Variants in RARB observed in about 807,000 individuals in gnomAD.
RARB encodes retinoic acid receptor beta.
RARB carries 17 observed loss-of-function variants against 51.9 expected under a neutral mutation model. The ratio of observed to expected loss-of-function variants is 0.33; its 90% CI spans 0.22 to 0.49. The LOEUF (loss-of-function observed/expected upper bound fraction) is 0.49. Ranked by LOEUF, RARB falls within the 20% of genes least tolerant of loss-of-function variation. The pLI is 0.99. For missense variants in RARB, 369 were observed against 550.8 expected, an observed-to-expected ratio of 0.67 and a Z score of 3.30; for synonymous variants, 215 against 195.4, an observed-to-expected ratio of 1.10 and a Z score of -0.84.
chr3:24,884,352 T>C (rs1454256333), intron 2 of RARB, among the ~76,000 whole-genome samples: 5 of 152,174 alleles, frequency 3.3e-5, no homozygotes, highest in Non-Finnish European at 7.4e-5. Context: ...AACCTACTTA[T>C]TGTGCATTTT....
intron 5 of RARB, among the ~76,000 whole-genome samples, chr3:25,191,084 C>A (rs1350198259): frequency 6.6e-6 from 1 of 152,036 alleles, no homozygotes; most frequent in African/African-American, 2.4e-5. Context: ...TCAGCATGGG[C>A]ATGTATTACA....
intron 3 of RARB, among the ~76,000 whole-genome samples, chr3:25,122,052 T>G (rs990328279): frequency 6.6e-6 from 1 of 152,186 alleles, no homozygotes; most frequent in African/African-American, 2.4e-5. Context: ...GTTGAGTCAA[T>G]GTATCAGTTA....
chr3:25,173,283 T>C (rs970861366), intron 4 of RARB, among the ~76,000 whole-genome samples: 2 of 152,220 alleles, frequency 1.3e-5, no homozygotes, highest in Non-Finnish European at 2.9e-5. Context: ...AATCAATAGT[T>C]GTTAAAACTA....
chr3:25,324,497 G>A (rs1224376752), intron 5 of RARB: 1 of 158,502 alleles, frequency 6.3e-6, no homozygotes, highest in Non-Finnish European at 1.4e-5. Flanking sequence ...CACCCCTGAA[G>A]AGCAAAATGA....
chr3:25,558,657 A>G (rs973753437), intron 3 of RARB, among the ~76,000 whole-genome samples: 1 of 151,784 alleles, frequency 6.6e-6, no homozygotes, highest in African/African-American at 2.4e-5. Context: ...TCTCTTGCCA[A>G]ATCCACAATG....
chr3:25,563,862 G>A (rs1461732974), intron 3 of RARB, among the ~76,000 whole-genome samples: 1 of 151,490 alleles, frequency 6.6e-6, no homozygotes, highest in Non-Finnish European at 1.5e-5. Context: ...TAATTTTCAA[G>A]CAAGAATAAA....
chr3:25,156,516 C>CAAAAA (rs35710364), intron 4 of RARB, among the ~76,000 whole-genome samples: 24 of 56,834 alleles, frequency 4.2e-4, no homozygotes, highest in African/African-American at 1.3e-3. Context: ...GCCCCAACTG[C>CAAAAA]AAAAAAAAAA....
chr3:25,570,384 A>G (rs1700663025), intron 4 of RARB, among the ~76,000 whole-genome samples: 1 of 152,146 alleles, frequency 6.6e-6, no homozygotes, highest in South Asian at 2.1e-4. Context: ...GTGAAATCCA[A>G]CCAAGATAAA....
chr3:24,971,776 A>G (rs1356253465), intron 2 of RARB, among the ~76,000 whole-genome samples: 1 of 152,018 alleles, frequency 6.6e-6, no homozygotes, highest in Admixed American at 6.6e-5. Context: ...TGTATAAAAT[A>G]CAAAATTTTA....
chr3:24,849,488 G>A (rs943140791), intron 1 of RARB, among the ~76,000 whole-genome samples: 2 of 152,198 alleles, frequency 1.3e-5, no homozygotes, highest in Admixed American at 1.3e-4. Context: ...TTAGGTTCCT[G>A]TGAGCCTCTG....
At chr3:24,880,229 C>T (rs986569287) in intron 2 of RARB, among the ~76,000 whole-genome samples, 3 of 151,304 alleles carry the variant, frequency 2.0e-5, no homozygotes, top group African/African-American at 4.9e-5. Context: ...CAAATGAGCA[C>T]ATATGTATGG....
intron 2 of RARB, among the ~76,000 whole-genome samples, chr3:25,054,115 GCT>G (rs1698392182): frequency 6.6e-6 from 1 of 152,076 alleles, no homozygotes; most frequent in Non-Finnish European, 1.5e-5. Flanking sequence ...ATAAACAAAG[GCT>G]CTGAGGTGAG....
At chr3:25,258,143 T>A (rs1360796991) in intron 5 of RARB, among the ~76,000 whole-genome samples, 1 of 152,126 alleles carries the variant, frequency 6.6e-6, no homozygotes, top group African/African-American at 2.4e-5. Context: ...TAGAAAGGAT[T>A]GGGGCATCAG....
At chr3:25,309,479 A>G (rs1238693994) in intron 5 of RARB, among the ~76,000 whole-genome samples, 2 of 103,520 alleles carry the variant, frequency 1.9e-5, no homozygotes, top group Non-Finnish European at 3.7e-5. Flanking sequence ...TTAACATCTC[A>G]TAGTTGCTTT....
At chr3:24,851,853 A>G (rs1430026544) in intron 1 of RARB, among the ~76,000 whole-genome samples, 1 of 152,246 alleles carries the variant, frequency 6.6e-6, no homozygotes, top group Non-Finnish European at 1.5e-5. Flanking sequence ...GAATTTCAGT[A>G]TAGTTTCTTC....
chr3:25,458,243 GA>G (rs1695009748), intron 1 of RARB: 1 of 152,140 alleles, frequency 6.6e-6, no homozygotes, highest in Non-Finnish European at 1.5e-5. Flanking sequence ...TATCGACAAG[GA>G]AATAAATTGA....
intron 1 of RARB, among the ~76,000 whole-genome samples, chr3:24,845,503 G>A (rs1419958652): frequency 3.9e-5 from 6 of 152,168 alleles, no homozygotes; most frequent in African/African-American, 1.4e-4. Flanking sequence ...TCATGCATGG[G>A]AGATTTTGAT....
intron 3 of RARB, among the ~76,000 whole-genome samples, chr3:25,094,716 CAAAA>C (rs57477720): frequency 1.9e-4 from 8 of 43,104 alleles, no homozygotes; most frequent in African/African-American, 4.7e-4. Flanking sequence ...GACCCCATCT[CAAAA>C]AAAAAAAAAA....
At chr3:25,555,640 G>A (rs1700026400) in intron 3 of RARB, 1 of 152,142 alleles carries the variant, frequency 6.6e-6, no homozygotes, top group Admixed American at 6.6e-5. Flanking sequence ...CGCAGCCTAG[G>A]ATTTCTTTGT....
Sources: allele counts gnomAD v4.1 joint callset (sites outside exome capture counted in the v4.1 genomes callset), GRCh38; gene constraint gnomAD v4.1.1; transcripts MANE v1.5; gene names NCBI Gene and HGNC (gene_info 2026-07-23, HGNC 2026-07-21).